Variants in NPHP4 observed in about 807,000 individuals in gnomAD.
NPHP4 encodes the protein nephrocystin-4.
In NPHP4, 151 loss-of-function variants were observed where a neutral mutation model predicts 155.8. The ratio of observed to expected loss-of-function variants is 0.97; its 90% CI spans 0.85 to 1.11. The LOEUF is 1.11. Ranked by LOEUF, NPHP4 falls within the 50% of genes least tolerant of loss-of-function variation. NPHP4 has a pLI of 0.00. For synonymous variants in NPHP4, 845 were observed against 816.8 expected (o/e 1.03, Z -0.59); for missense variants, 1,956 against 1,925.7 (o/e 1.02, Z -0.29).
intron 16 of NPHP4, among the ~76,000 whole-genome samples, chr1:5,893,632 G>C (rs910087583): frequency 3.3e-5 from 5 of 152,234 alleles, no homozygotes; most frequent in African/African-American, 1.2e-4. Flanking sequence ...GCATCACAGG[G>C]AGACGGTTAG....
chr1:5,937,239 G>A (rs1646589523), intron 9 of NPHP4, among the ~76,000 whole-genome samples: 1 of 151,962 alleles, frequency 6.6e-6, no homozygotes, highest in Non-Finnish European at 1.5e-5. Context: ...CCACACCTGG[G>A]GTTTCCTGGG....
At position 5,892,649 on chromosome 1, in the gene NPHP4, G is replaced by A. The variant is rs375313368; in HGVS notation, c.2144-1621C>T. On this transcript the variant is annotated intron_variant, in intron 16 of 29. Coordinates refer to ENST00000378156, the MANE Select transcript of NPHP4 (RefSeq NM_015102.5). The surrounding 1 kb of genome is among the most constrained non-coding windows in gnomAD (Gnocchi z 4.5). ...ACAAGACAGAGGGTCCCACTGGGTC[G>A]AGCTGTGTTTGGGACGCGCGTACTC... 2.0e-5 allele frequency among the ~76,000 whole-genome samples: 3 copies of A among 152,140 alleles called. No homozygotes were observed. Among genetic ancestry groups the A allele is most frequent in the East Asian group, 1.9e-4 (1 of 5,178 alleles).
At chr1:5,960,906 C>T (rs1650200194) in intron 6 of NPHP4, among the ~76,000 whole-genome samples, 1 of 152,164 alleles carries the variant, frequency 6.6e-6, no homozygotes. Flanking sequence ...GGTCACTGCA[C>T]ACCCATGTTC....
At chr1:5,868,087 G>A (rs1317402374) in intron 23 of NPHP4, 191 bp from the exon 24 acceptor site, 1 of 729,734 alleles carries the variant, frequency 1.4e-6, no homozygotes, top group Non-Finnish European at 2.5e-6. Context: ...ACCAGGAGGG[G>A]ACCGCTAAGC....
intron 16 of NPHP4, among the ~76,000 whole-genome samples, chr1:5,896,892 T>C (rs1038384007): frequency 1.3e-5 from 2 of 152,018 alleles, no homozygotes; most frequent in African/African-American, 4.8e-5. Flanking sequence ...CCGGAAGGGC[T>C]CCCGGAATAA....
intron 5 of NPHP4, 62 bp downstream of exon 5, chr1:5,967,237 G>C (rs991361966): frequency 8.0e-7 from 1 of 1,243,870 alleles, no homozygotes; most frequent in African/African-American, 1.5e-5. Flanking sequence ...AGCTAAAGGT[G>C]GGGAACACTC....
rs764571616 is a variant in NPHP4 at position 5,900,830 on chromosome 1, A to C, written c.2143+3787T>G. Among the ~76,000 whole-genome samples the C allele has an allele frequency of 1.4e-3, 216 of 152,248 alleles. 2 individuals are homozygous for C. Among genetic ancestry groups the C allele is most frequent in the Non-Finnish European group, 2.2e-3 (149 of 68,018 alleles). ...AGGATCACTTGAGCCAAGGAGTTCA[A>C]CACCAGCCTGGGCAACAAGGCAAAA... On this transcript the variant is annotated intron_variant, in intron 16 of 29. Transcript: ENST00000378156.
intron 10 of NPHP4, among the ~76,000 whole-genome samples, chr1:5,928,381 A>C (rs899324798): frequency 6.6e-6 from 1 of 152,282 alleles, no homozygotes; most frequent in Non-Finnish European, 1.5e-5. Context: ...AAGTTGTTAC[A>C]TACACATCAA....
intron 5 of NPHP4, among the ~76,000 whole-genome samples, chr1:5,963,689 CTT>C (rs57131022): frequency 9.1e-4 from 112 of 122,896 alleles, no homozygotes; most frequent in East Asian, 3.0e-3. Context: ...CTTTTCTTTT[CTT>C]TTTTTTTTTT....
chr1:5,887,164 T>C, intron 18 of NPHP4, 122 bp downstream of exon 18: 1 of 931,044 alleles, frequency 1.1e-6, no homozygotes, highest in Non-Finnish European at 1.6e-6. Context: ...CTGGTGAGAA[T>C]TCTCCCGGTT....
intron 11 of NPHP4, 24 bp from the exon 12 acceptor site, chr1:5,909,237 G>A (rs369367632): frequency 6.3e-7 from 1 of 1,588,052 alleles, no homozygotes; most frequent in Non-Finnish European, 8.6e-7. Context: ...CAGTGGGGTA[G>A]GAGAGGGAAT....
At chr1:5,978,592 C>G (rs756963415) in intron 2 of NPHP4, among the ~76,000 whole-genome samples, 179 bp from the exon 3 acceptor site, 6 of 152,080 alleles carry the variant, frequency 3.9e-5, no homozygotes, top group Non-Finnish European at 8.8e-5. Context: ...TAAACCAAAG[C>G]ATTTGGCCCT....
intron 6 of NPHP4, among the ~76,000 whole-genome samples, chr1:5,954,798 T>A (rs35716311): frequency 0.23 from 35,397 of 152,102 alleles, 5,032 homozygotes; most frequent in African/African-American, 0.4. Flanking sequence ...AGGATTTTTT[T>A]AAGTAACATT....
Position 5,952,647 on chromosome 1 carries a change from T to TC in NPHP4, c.810+52dup, listed in dbSNP as rs975918724. 20 of 1,091,560 alleles carry TC rather than the reference T, an allele frequency of 1.8e-5. No individual in the cohort carries two copies. In the African/African-American group the frequency reaches 3.5e-4, roughly 19 times the overall value. 67.6% of individuals were successfully genotyped at this position (1,091,560 alleles called of 1,614,324 possible). A position where few individuals can be genotyped will look rare whatever the true frequency, so the allele number is the denominator to read the frequency against. Reference sequence around the variant, plus strand: ...CCACCTCCTCCCTGCCCTACCCGGGTCCCACCCCTGCCTGGCCCCACCCTG... The same window carrying TC: ...CCACCTCCTCCCTGCCCTACCCGGGTCCCCACCCCTGCCTGGCCCCACCCTG... On this transcript the variant is annotated intron_variant, in intron 7 of 29. Coordinates refer to ENST00000378156, the MANE Select transcript of NPHP4 (RefSeq NM_015102.5).
chr1:5,955,320 C>G (rs886186842), intron 6 of NPHP4, among the ~76,000 whole-genome samples: 1 of 152,220 alleles, frequency 6.6e-6, no homozygotes, highest in Non-Finnish European at 1.5e-5. Flanking sequence ...GAAAACTAGA[C>G]AGAGGTTCCT....
chr1:5,913,726 A>G lies in NPHP4; in HGVS notation c.1442-4513T>C, dbSNP rs1429042495. Among the ~76,000 whole-genome samples the G allele has an allele frequency of 3.3e-5, 5 of 152,250 alleles. No individual in the cohort carries two copies. In the East Asian group the frequency reaches 7.7e-4, roughly 23 times the overall value. ...ACGCAAGAGAGACAGGCATGCCCTC[A>G]AGCCCATGGCTCTCAGCACTGTGGG... On this transcript the variant is annotated intron_variant, in intron 11 of 29. Transcript: ENST00000378156.
In NPHP4 at chr1:5,865,228, G is replaced by T; in HGVS notation, c.3690C>A (p.Leu1230=). 2 of 1,596,474 alleles carry T rather than the reference G, an allele frequency of 1.3e-6. No individual in the cohort carries two copies. The highest frequency in any genetic ancestry group is 1.7e-6 in the Non-Finnish European group (2 of 1,168,288). Residue 1230 remains leucine, a synonymous_variant, in exon 27 of 30, where the codon CTC becomes CTA. Coordinates refer to ENST00000378156, the MANE Select transcript of NPHP4 (RefSeq NM_015102.5). The part of the protein sequence containing the change: ...ATPTQTWQVY[L]HSLQRVDVSC... Reference sequence around the variant, plus strand: ...AGACATCCACGCGCTGCAGGGAGTGGAGGTAGACCTGCCACGTCTGTGTGG... The same window carrying T: ...AGACATCCACGCGCTGCAGGGAGTGTAGGTAGACCTGCCACGTCTGTGTGG...
chr1:5,892,715 T>G lies in NPHP4; in HGVS notation c.2144-1687A>C, dbSNP rs1025339105. On this transcript the variant is annotated intron_variant, in intron 16 of 29. Transcript: ENST00000378156. This position sits in a 1 kb window ranked among gnomAD's most constrained non-coding sequence, Gnocchi z 4.5. ...CAGACCTCTCCCCTCCCTGTCCAGC[T>G]GAGACAAGTGGCTCCTCCGTGGCCA... Among the ~76,000 whole-genome samples the G allele has an allele frequency of 2.6e-5, 4 of 152,064 alleles. No individual in the cohort carries two copies. Among genetic ancestry groups the G allele is most frequent in the African/African-American group, 9.7e-5 (4 of 41,382 alleles).
intron 1 of NPHP4, among the ~76,000 whole-genome samples, chr1:5,991,924 G>C (rs1656410380): frequency 1.9e-5 from 1 of 53,214 alleles, no homozygotes; most frequent in South Asian, 5.8e-4. Flanking sequence ...AGAGAGGCCA[G>C]GGGGCAGGGG....
Sources: gnomAD v4.1 joint callset for allele counts (sites outside exome capture counted in the v4.1 genomes callset) on GRCh38, gnomAD v4.1.1 for gene constraint, Gnocchi (gnomAD v3.1) non-coding constraint, MANE v1.5 for transcripts, NCBI Gene and HGNC (gene_info 2026-07-23, HGNC 2026-07-21) for gene names.